MAGEB6B: variants seen among roughly 807,000 people sequenced by gnomAD.
MAGEB6B encodes the protein melanoma-associated antigen B6B.
For synonymous variants in MAGEB6B, 107 were observed against 102.3 expected, an observed-to-expected ratio of 1.05 and a Z score of -0.27; for missense variants, 277 against 251.5, an observed-to-expected ratio of 1.10 and a Z score of -0.69.
At chrX:26,161,720 C>T (rs754549819) in exon 1 of MAGEB6B, 36 of 1,209,205 alleles carry the variant, frequency 3.0e-5, no homozygotes, top group Non-Finnish European at 3.0e-5. Flanking sequence ...GAGAGTCCTG[C>T]GTGTTTTGGC....
Position 26,161,403 on chromosome X carries a change from TG to T in MAGEB6B, c.806del (p.Gly269ValfsTer8). The T allele has an allele frequency of 1.2e-6, 1 of 844,598 alleles. No homozygotes were observed. Among genetic ancestry groups the T allele is most frequent in the Non-Finnish European group, 1.8e-6 (1 of 559,628 alleles). The allele number at this position is 844,598 out of a possible 1,213,427, so 69.6% of individuals were successfully genotyped here. On this transcript the variant is annotated frameshift_variant, in exon 1 of 1. Transcript: ENST00000416929. LOFTEE classifies it low-confidence loss of function (END_TRUNC). ...GAGTCCTACACCCTTGTCAGCAAGC[TG>T]GGTCTCTCCAATGAAGGAAGTCTGA...
exon 1 of MAGEB6B, chrX:26,161,521 C>T: frequency 8.3e-7 from 1 of 1,210,608 alleles, no homozygotes. Context: ...AAGAGGAGGT[C>T]TGGAAGTTCC....
At chrX:26,161,295 G>A (rs748910823) in exon 1 of MAGEB6B, 3 of 639,546 alleles carry the variant, frequency 4.7e-6, no homozygotes, top group African/African-American at 2.1e-5. Flanking sequence ...TACAAGCCAT[G>A]CTTCCCTGAG....
chrX:26,160,722 C>T (rs771424539), exon 1 of MAGEB6B: 4 of 572,512 alleles, frequency 7.0e-6, no homozygotes, highest in Admixed American at 2.2e-5. Context: ...TCTCGCTCTT[C>T]GTCATCCTCT....
At chrX:26,161,624 G>A (rs1276986046) in exon 1 of MAGEB6B, 11 of 1,209,338 alleles carry the variant, frequency 9.1e-6, no homozygotes, top group South Asian at 1.8e-5. Context: ...AGATAAGTAC[G>A]TGGTTTACCG....
exon 1 of MAGEB6B, chrX:26,160,670 G>T (rs745667920): frequency 3.5e-6 from 2 of 571,900 alleles, no homozygotes; most frequent in East Asian, 6.5e-5. Context: ...TCAGCCGCAA[G>T]GTCTCACAGG....
chrX:26,161,704 C>G (rs766039765), exon 1 of MAGEB6B: 1 of 1,211,721 alleles, frequency 8.3e-7, no homozygotes, highest in Non-Finnish European at 1.1e-6. Flanking sequence ...CTGAAACCAC[C>G]AAGATGAGAG....
At chrX:26,161,173 C>G in exon 1 of MAGEB6B, 3 of 763,110 alleles carry the variant, frequency 3.9e-6, no homozygotes, top group Non-Finnish European at 6.2e-6. Flanking sequence ...CAACCACAGA[C>G]GGAGATCCTA....
chrX:26,160,938 G>A, exon 1 of MAGEB6B: 1 of 622,537 alleles, frequency 1.6e-6, no homozygotes, highest in Non-Finnish European at 2.8e-6. Context: ...TCACCCATTG[G>A]CCCTCCTGAT....
exon 1 of MAGEB6B, chrX:26,161,166 C>T (rs752133499): frequency 1.3e-6 from 1 of 774,605 alleles, no homozygotes; most frequent in Admixed American, 2.2e-5. Context: ...TTCTTTACAA[C>T]CACAGACGGA....
chrX:26,161,406 G>T, exon 1 of MAGEB6B: 2 of 862,662 alleles, frequency 2.3e-6, no homozygotes, highest in Non-Finnish European at 3.5e-6. Flanking sequence ...AGCAAGCTGG[G>T]TCTCTCCAAT....
exon 1 of MAGEB6B, chrX:26,161,089 C>G (rs373478048): frequency 5.5e-5 from 61 of 1,113,995 alleles, no homozygotes; most frequent in Non-Finnish European, 7.2e-5. Flanking sequence ...ATGTTTCAGG[C>G]TCAAAATCTG....
exon 1 of MAGEB6B, chrX:26,160,986 A>T (rs1468621315): frequency 1.4e-6 from 1 of 723,942 alleles, no homozygotes. Flanking sequence ...GAGGCTGCCA[A>T]GGGTCAAAAT....
chrX:26,161,172 A>C, exon 1 of MAGEB6B: 1 of 765,263 alleles, frequency 1.3e-6, no homozygotes, highest in Non-Finnish European at 2.0e-6. Context: ...ACAACCACAG[A>C]CGGAGATCCT....
chrX:26,162,026 T>C (rs1281030183), downstream of MAGEB6B, among the ~76,000 whole-genome samples: 15 of 112,618 alleles, frequency 1.3e-4, no homozygotes, highest in Admixed American at 9.4e-5. Flanking sequence ...GAGTAACTTG[T>C]AGATTTATGT....
exon 1 of MAGEB6B, chrX:26,161,018 C>T (rs767263446): frequency 3.4e-6 from 3 of 895,234 alleles, no homozygotes; most frequent in Admixed American, 2.2e-5. Flanking sequence ...AAGCACCTCC[C>T]GTGATGCCTC....
At chrX:26,160,956 T>C in exon 1 of MAGEB6B, 1 of 651,366 alleles carries the variant, frequency 1.5e-6, no homozygotes. Flanking sequence ...GATGCAGGTA[T>C]TTCATGCTCA....
At chrX:26,160,723 G>A (rs1928674873) in exon 1 of MAGEB6B, 1 of 572,712 alleles carries the variant, frequency 1.7e-6, no homozygotes, top group Admixed American at 2.2e-5. Context: ...CTCGCTCTTC[G>A]TCATCCTCTT....
exon 1 of MAGEB6B, chrX:26,161,039 G>A: frequency 9.4e-7 from 1 of 1,059,548 alleles, no homozygotes; most frequent in Non-Finnish European, 1.3e-6. Flanking sequence ...TGTTCCTCAG[G>A]AGTCTCAGGG....
Sources: gnomAD v4.1 joint callset for allele counts (sites outside exome capture counted in the v4.1 genomes callset) on GRCh38, gnomAD v4.1.1 for gene constraint, MANE v1.5 for transcripts, NCBI Gene and HGNC (gene_info 2026-07-23, HGNC 2026-07-21) for gene names.